Variants in ARMCX4 observed in about 807,000 individuals in gnomAD.
The protein encoded by ARMCX4 is armadillo repeat-containing X-linked protein 4.
ARMCX4 carries 3 observed loss-of-function variants against 34.7 expected under a neutral mutation model. The ratio of observed to expected loss-of-function variants is 0.09; its 90% CI spans 0.04 to 0.22. The LOEUF (loss-of-function observed/expected upper bound fraction) is 0.22, where lower values mean the gene tolerates loss of function less well. Ranked by LOEUF, ARMCX4 falls within the 10% of genes least tolerant of loss-of-function variation. The probability of loss-of-function intolerance (pLI) is 1.00; values close to 1 mark genes in which losing one functional copy is unlikely to be tolerated. For synonymous variants in ARMCX4, 513 were observed against 632.8 expected, an observed-to-expected ratio of 0.81 and a Z score of 2.84; for missense variants, 1,448 against 1,720.8, an observed-to-expected ratio of 0.84 and a Z score of 2.81.
upstream of ARMCX4, among the ~76,000 whole-genome samples, chrX:101,482,288 A>T (rs931507472): frequency 8.9e-6 from 1 of 112,248 alleles, no homozygotes; most frequent in African/African-American, 3.2e-5. Context: ...TATCATGTAT[A>T]CAAAAGGTTA....
intron 4 of ARMCX4, among the ~76,000 whole-genome samples, chrX:101,479,624 G>T (rs1235979200): frequency 9.2e-6 from 1 of 108,834 alleles, no homozygotes; most frequent in Non-Finnish European, 1.9e-5. Context: ...TGGACTACAG[G>T]TGTGCGCCAC....
chrX:101,483,224 G>A (rs1164005182), upstream of ARMCX4, among the ~76,000 whole-genome samples: 1 of 108,126 alleles, frequency 9.2e-6, no homozygotes, highest in Non-Finnish European at 1.9e-5. Flanking sequence ...TACAAGCATT[G>A]CGAAAAAAAA....
At chrX:101,485,961 A>T (rs1345682655) in intron 1 of ARMCX4, 62 bp from the exon 2 acceptor site, 2 of 111,259 alleles carry the variant, frequency 1.8e-5, no homozygotes, top group African/African-American at 6.6e-5. Context: ...GAGTATTGGG[A>T]TCTATGTCCT....
chrX:101,468,266 A>T (rs898590816), intron 4 of ARMCX4, among the ~76,000 whole-genome samples: 41 of 110,351 alleles, frequency 3.7e-4, no homozygotes, highest in African/African-American at 1.2e-3. Flanking sequence ...GTACTATATC[A>T]GTATAGGGGA....
At chrX:101,470,797 T>C (rs1932883454) in intron 4 of ARMCX4, among the ~76,000 whole-genome samples, 1 of 112,158 alleles carries the variant, frequency 8.9e-6, no homozygotes, top group Non-Finnish European at 1.9e-5. Context: ...TACAAGTCTT[T>C]GTGTGGGCAT....
intron 2 of ARMCX4, among the ~76,000 whole-genome samples, chrX:101,425,360 G>A (rs1178992488): frequency 1.8e-5 from 2 of 109,374 alleles, no homozygotes; most frequent in Non-Finnish European, 3.8e-5. Flanking sequence ...GAATGGAACA[G>A]ATTGGAGTGT....
chrX:101,518,621 C>A (rs1934790842), intron 11 of ARMCX4, among the ~76,000 whole-genome samples: 1 of 110,423 alleles, frequency 9.1e-6, no homozygotes, highest in South Asian at 3.8e-4. Flanking sequence ...GGTTAAATTC[C>A]CTTATTAAAA....
In ARMCX4 at chrX:101,445,181, T is replaced by G. The variant is rs782196071; in HGVS notation, n.269-817T>G. On this transcript the variant is annotated intron_variant and non_coding_transcript_variant, in intron 3 of 3. Coordinates refer to the ARMCX4 transcript ENST00000430461. ...TCATTATCATTTGAAATATTACTAT[T>G]CTTGGCATTCTCATGCCAAAGTATC... Among the ~76,000 whole-genome samples, 48 of 112,421 alleles carry G rather than the reference T, an allele frequency of 4.3e-4. 1 individual carries two copies. The highest frequency in any genetic ancestry group is 7.3e-4 in the Non-Finnish European group (39 of 53,342).
intron 7 of ARMCX4, among the ~76,000 whole-genome samples, chrX:101,501,101 T>C (rs782229574): frequency 3.5e-5 from 4 of 112,760 alleles, no homozygotes; most frequent in Admixed American, 9.4e-5. Context: ...GAGAATTTTC[T>C]GGAAGTGCAC....
chrX:101,510,526 C>T (rs1603223722), intron 10 of ARMCX4, among the ~76,000 whole-genome samples: 1 of 111,434 alleles, frequency 9.0e-6, no homozygotes, highest in Non-Finnish European at 1.9e-5. Context: ...AACCAAGCCT[C>T]CTATTTTTGG....
intron 4 of ARMCX4, among the ~76,000 whole-genome samples, chrX:101,458,246 T>A (rs188228507): frequency 9.0e-6 from 1 of 111,495 alleles, no homozygotes; most frequent in African/African-American, 3.2e-5. Context: ...TGCTCAAATT[T>A]GCTGTTGCAA....
chrX:101,510,453 C>T (rs974008730), intron 10 of ARMCX4, among the ~76,000 whole-genome samples: 7 of 111,837 alleles, frequency 6.3e-5, no homozygotes, highest in Admixed American at 2.8e-4. Flanking sequence ...CTGCCAGGGT[C>T]GGGGAGTGAT....
chrX:101,458,635 C>T (rs1932449488), intron 4 of ARMCX4, among the ~76,000 whole-genome samples: 3 of 108,853 alleles, frequency 2.8e-5, no homozygotes, highest in South Asian at 8.1e-4. Flanking sequence ...TACAGGTGCC[C>T]GCCCCCACGC....
In ARMCX4 at chrX:101,492,887, T is replaced by C. The variant is rs1934039748; in HGVS notation, c.4298T>C (p.Ile1433Thr). 7 of 1,151,838 alleles carry C rather than the reference T, an allele frequency of 6.1e-6. No homozygotes were observed. Among genetic ancestry groups the C allele is most frequent in the Non-Finnish European group, 8.0e-6 (7 of 871,592 alleles). The allele number at this position is 1,151,838 out of a possible 1,213,427, so 94.9% of individuals were successfully genotyped here. ...TCATGGGCTAACTCTGGGGACCAAA[T>C]CAGTGGAGGATTCTTAGTTGGGATT... is the stretch of plus-strand genomic sequence containing the variant. The part of the protein sequence containing the change: ...GRSWANSGDQ[I>T]SGGFLVGIVD... Residue 1433 changes from isoleucine to threonine, a missense_variant, in exon 6 of 6, where the codon ATC (isoleucine) becomes ACC (threonine). By Grantham distance (89) the Ile-to-Thr change is moderately conservative. This residue lies in a region of ARMCX4 where 1,343 missense variants were observed against 1,540.7 expected (regional missense o/e 0.87). Transcript: ENST00000423738.
intron 11 of ARMCX4, chrX:101,524,215 G>C (rs782396393): frequency 1.8e-5 from 2 of 112,133 alleles, no homozygotes; most frequent in South Asian, 7.5e-4. Flanking sequence ...TTTGTTGAAA[G>C]ATATAAATTT....
Position 101,487,776 on chromosome X carries a change from C to T in ARMCX4, c.-203+85C>T, listed in dbSNP as rs1237456607. The T allele has an allele frequency of 6.0e-5, 25 of 416,362 alleles. No homozygotes were observed. The African/African-American group carries it at 6.2e-4, about 10-fold the overall frequency. 34.3% of individuals were successfully genotyped at this position (416,362 alleles called of 1,213,427 possible). On this transcript the variant is annotated intron_variant, in intron 4 of 5. Coordinates refer to ENST00000423738, the MANE Select transcript of ARMCX4 (RefSeq NM_001256155.3). ...CATCCAGTAAGGACCAGTGACCAGT[C>T]TGGAGGATGAGGATCCTCAGTCTCT...
intron 4 of ARMCX4, among the ~76,000 whole-genome samples, chrX:101,467,199 G>A (rs1489336434): frequency 7.2e-5 from 8 of 111,880 alleles, no homozygotes; most frequent in African/African-American, 2.6e-4. Context: ...GTCCAGGCTG[G>A]AGTGCTATGG....
intron 4 of ARMCX4, among the ~76,000 whole-genome samples, chrX:101,461,916 G>C (rs1225937419): frequency 1.8e-5 from 2 of 112,182 alleles, no homozygotes; most frequent in Non-Finnish European, 3.8e-5. Flanking sequence ...GAAAAGTAGA[G>C]AGAATATTTG....
chrX:101,433,208 ATACG>A (rs1930384404), intron 2 of ARMCX4, among the ~76,000 whole-genome samples: 1 of 29,866 alleles, frequency 3.3e-5, no homozygotes, highest in Non-Finnish European at 1.1e-4. Flanking sequence ...ATATGTGCAT[ATACG>A]CACATATATA....
Sources: gnomAD v4.1 joint callset for allele counts (sites outside exome capture counted in the v4.1 genomes callset) on GRCh38, gnomAD v4.1.1 for gene constraint, gnomAD v4.1.1 regional missense constraint, MANE v1.5 for transcripts, NCBI Gene and HGNC (gene_info 2026-07-23, HGNC 2026-07-21) for gene names.